Variants in PEAR1 observed in about 807,000 individuals in gnomAD.
PEAR1 encodes the protein multiple EGF-like domains protein 12.
A neutral mutation model predicts 131.2 loss-of-function variants in PEAR1; 113 were observed. The observed-to-expected ratio is 0.86, with a 90% CI of 0.74 to 1.01. PEAR1 has a LOEUF of 1.01. Ranked by LOEUF, PEAR1 falls within the 50% of genes least tolerant of loss-of-function variation. The pLI is 0.00. For synonymous variants in PEAR1, 565 were observed against 523.3 expected (o/e 1.08, Z -1.09); for missense variants, 1,408 against 1,391.1 (o/e 1.01, Z -0.19).
At chr1:156,912,719 C>T in intron 17 of PEAR1, 51 bp from the exon 18 acceptor site, 1 of 1,612,266 alleles carries the variant, frequency 6.2e-7, no homozygotes, top group Non-Finnish European at 8.5e-7. Flanking sequence ...GCACCTCTCC[C>T]ATGCAGCAGA....
intron 1 of PEAR1, among the ~76,000 whole-genome samples, chr1:156,894,508 C>T (rs542485056): frequency 2.0e-5 from 3 of 152,310 alleles, no homozygotes; most frequent in Admixed American, 6.5e-5. Flanking sequence ...TTGCAGGTCC[C>T]TGGCTCTCAC....
In PEAR1 at chr1:156,912,312, T is replaced by A; in HGVS notation, c.2017T>A (p.Cys673Ser). Residue 673 changes from cysteine to serine, a missense_variant, in exon 16 of 23, where the codon TGC becomes AGC. Coordinates refer to ENST00000292357, the MANE Select transcript of PEAR1 (RefSeq NM_001080471.3). ...CTGCCAATGTCACCATGGTGGGACC[T>A]GCCATCCCCAGGATGGGAGCTGTAT... ...QTCQCHHGGT[C>S]HPQDGSCICP... 1 of 1,614,036 alleles carries A rather than the reference T, an allele frequency of 6.2e-7. No individual in the cohort carries two copies. The highest frequency in any genetic ancestry group is 1.3e-5 in the African/African-American group (1 of 75,026).
rs1651512402 is a variant in PEAR1, at chr1:156,913,528, G to A, written c.2644+5G>A. 6.2e-7 allele frequency: 1 copy of A among 1,611,926 alleles called. No individual in the cohort carries two copies. The highest frequency in any genetic ancestry group is 8.5e-7 in the Non-Finnish European group (1 of 1,179,842). The stretch of plus-strand genomic sequence containing the variant: ...CTCCAGGGCCTCTGGACAGGGGTAG[G>A]TGCCGGGAGGCCAGGGTCTCTGGCG... On this transcript the variant is annotated splice_donor_5th_base_variant and intron_variant, in intron 20 of 22. Transcript: ENST00000292357.
chr1:156,908,624 G>T lies in PEAR1; in HGVS notation c.1116-31G>T. The stretch of plus-strand genomic sequence containing the variant: ...AGCTGCCCTGCCCCTGCCCAGCTCA[G>T]ACCGCGCCACGCCCCCGCCTCTGCC... On this transcript the variant is annotated intron_variant, in intron 9 of 22. Transcript: ENST00000292357. This position sits in a 1 kb window ranked among gnomAD's most constrained non-coding sequence, Gnocchi z 4.2. 3 of 1,496,338 alleles carry T rather than the reference G, an allele frequency of 2.0e-6. No individual in the cohort carries two copies. The highest frequency in any genetic ancestry group is 2.7e-6 in the Non-Finnish European group (3 of 1,125,462). 92.7% of individuals were successfully genotyped at this position (1,496,338 alleles called of 1,614,324 possible).
rs765400497 is a variant in PEAR1 at position 156,904,996 on chromosome 1, C to T, written c.206+144C>T. ...GGGATTCATTCTGCATGGTCTGTGT[C>T]GGGTACGTGTGTATGGGATGTATAT... On this transcript the variant is annotated intron_variant, in intron 3 of 22. Transcript: ENST00000292357. 9.1e-6 allele frequency: 14 copies of T among 1,545,232 alleles called. No individual in the cohort carries two copies. In the South Asian group the frequency reaches 9.5e-5, roughly 11 times the overall value.
Position 156,912,952 on chromosome 1 carries a change from C to T in PEAR1, c.2392C>T (p.Arg798Cys), listed in dbSNP as rs778124758. The T allele has an allele frequency of 4.8e-5, 78 of 1,614,154 alleles. 1 individual carries two copies. The Middle Eastern group carries it at 5.0e-4, about 10-fold the overall frequency. Reference protein sequence around the residue: ...HHLAVAYSSGRLDGSEYVMPD... With the variant: ...HHLAVAYSSGCLDGSEYVMPD... Reference sequence around the variant, plus strand: ...CCTGGCTGTGGCTTACAGCAGCGGGCGCCTGGACGGCTCCGAGTATGTCAT... The same window carrying T: ...CCTGGCTGTGGCTTACAGCAGCGGGTGCCTGGACGGCTCCGAGTATGTCAT... Residue 798 changes from arginine (R) to cysteine (C), a missense_variant, in exon 18 of 23, where the codon CGC becomes TGC. Arg to Cys is a radical substitution (Grantham distance 180). Transcript: ENST00000292357.
chr1:156,907,819 G>C (rs958875624), intron 7 of PEAR1, 89 bp downstream of exon 7: 15 of 1,569,836 alleles, frequency 9.6e-6, no homozygotes, highest in Non-Finnish European at 1.2e-5. Context: ...GTGAGTGAGG[G>C]GGGTGAGCTC....
rs539420762 is a variant in PEAR1 at position 156,911,027 on chromosome 1, CTT to C, written c.1951+285_1951+286del. On this transcript the variant is annotated intron_variant, in intron 15 of 22. Transcript: ENST00000292357. The stretch of plus-strand genomic sequence containing the variant: ...ATAGGCTTAGCTTGGGACATTTTCT[CTT>C]GATTTCTTTTTCTTTCTTTCTTTCT... Among the ~76,000 whole-genome samples the C allele has an allele frequency of 2.4e-3, 341 of 143,334 alleles. 3 individuals carry two copies. The highest frequency in any genetic ancestry group is 1.4e-3 in the Non-Finnish European group (91 of 66,236). The allele number at this position is 143,334 out of a possible 152,430, so 94.0% of individuals were successfully genotyped here. A position where few individuals can be genotyped will look rare whatever the true frequency, so the allele number is the denominator to read the frequency against.
chr1:156,913,365 C>T (rs999699876), intron 19 of PEAR1, 26 bp from the exon 20 acceptor site: 2 of 1,609,242 alleles, frequency 1.2e-6, no homozygotes, highest in Admixed American at 1.7e-5. Context: ...GCCTCTTGCT[C>T]TCCCTCCTGC....
At chr1:156,911,336 C>T (rs1651186551) in intron 15 of PEAR1, among the ~76,000 whole-genome samples, 1 of 140,752 alleles carries the variant, frequency 7.1e-6, no homozygotes, top group Non-Finnish European at 1.5e-5. Context: ...GGCTAGAGTG[C>T]AGTGGCATGA....
Position 156,908,875 on chromosome 1 carries a change from A to G in PEAR1, c.1291-41A>G, listed in dbSNP as rs1650700375. 1 of 1,608,984 alleles carries G rather than the reference A, an allele frequency of 6.2e-7. No homozygotes were observed. Among genetic ancestry groups the G allele is most frequent in the South Asian group, 1.1e-5 (1 of 91,054 alleles). Reference sequence around the variant, plus strand: ...AGGAAGCGAGGCAGGTGGAGAGGCCAAGGAATGGGCCGCCCCTCTCACCCG... The same window carrying G: ...AGGAAGCGAGGCAGGTGGAGAGGCCGAGGAATGGGCCGCCCCTCTCACCCG... On this transcript the variant is annotated intron_variant, in intron 10 of 22. Coordinates refer to ENST00000292357, the MANE Select transcript of PEAR1 (RefSeq NM_001080471.3). This position sits in a 1 kb window ranked among gnomAD's most constrained non-coding sequence, Gnocchi z 4.2.
rs377732307 is a variant in PEAR1 at position 156,909,062 on chromosome 1, G to A, written c.1411+26G>A. The A allele has an allele frequency of 7.3e-5, 117 of 1,613,094 alleles. No individual in the cohort carries two copies. In the African/African-American group the frequency reaches 1.2e-3, roughly 17 times the overall value. ...GTAATAGGGTGGAGTTTCCCAGAGA[G>A]AAGACTTGGGGGATGGCCAAGGGAA... On this transcript the variant is annotated intron_variant, in intron 11 of 22. Transcript: ENST00000292357.
In PEAR1 at chr1:156,913,998, C is replaced by T. The variant is rs1335829014; in HGVS notation, c.2860C>T (p.Pro954Ser). The T allele has an allele frequency of 6.2e-7, 1 of 1,612,988 alleles. No homozygotes were observed. The highest frequency in any genetic ancestry group is 1.1e-5 in the South Asian group (1 of 90,870). The change falls in exon 22 of 23, where the codon CCC becomes TCC. Residue 954 changes from proline to serine, a missense_variant. Pro to Ser is a moderately conservative substitution (Grantham distance 74, BLOSUM62 -1). Coordinates refer to ENST00000292357, the MANE Select transcript of PEAR1 (RefSeq NM_001080471.3). ...MEMKGPPSGSPPRQPPQFWDS... is the reference protein window; with the variant it reads ...MEMKGPPSGSSPRQPPQFWDS... ...GATGAAAGGCCCTCCCTCAGGATCT[C>T]CCCCCAGGCAGCCTCCTCAGTTCTG...
intron 11 of PEAR1, among the ~76,000 whole-genome samples, chr1:156,909,434 T>C (rs1476485014): frequency 1.3e-5 from 2 of 152,166 alleles, no homozygotes; most frequent in East Asian, 1.9e-4. Flanking sequence ...TCCCCACTAC[T>C]CCCTGTTGTC....
chr1:156,908,415 C>T lies in PEAR1; in HGVS notation c.1115+75C>T, dbSNP rs561408497. The stretch of plus-strand genomic sequence containing the variant: ...CTTCCTGGCCGAAGTCACCACAGAG[C>T]CAGGGCCATATCCAAGGGGGACAGG... On this transcript the variant is annotated intron_variant, in intron 9 of 22. Transcript: ENST00000292357. This position sits in a 1 kb window ranked among gnomAD's most constrained non-coding sequence, Gnocchi z 4.2. 6 of 1,421,214 alleles carry T rather than the reference C, an allele frequency of 4.2e-6. No homozygotes were observed. In the South Asian group the frequency reaches 7.2e-5, roughly 17 times the overall value. The allele number at this position is 1,421,214 out of a possible 1,614,324, so 88.0% of individuals were successfully genotyped here. A position where few individuals can be genotyped will look rare whatever the true frequency, so the allele number is the denominator to read the frequency against.
chr1:156,894,060 C>G (rs1037166073), intron 1 of PEAR1, among the ~76,000 whole-genome samples: 2 of 152,210 alleles, frequency 1.3e-5, no homozygotes, highest in Non-Finnish European at 2.9e-5. Flanking sequence ...GGGTTCCCTT[C>G]CGTAATGAAC....
Position 156,905,335 on chromosome 1 carries a change from G to C in PEAR1, c.218G>C (p.Arg73Pro), listed in dbSNP as rs760431273. 6.2e-7 allele frequency: 1 copy of C among 1,611,952 alleles called. No individual in the cohort carries two copies. The highest frequency in any genetic ancestry group is 8.5e-7 in the Non-Finnish European group (1 of 1,179,630). The change falls in exon 4 of 23, where the codon CGG becomes CCG. Residue 73 changes from arginine to proline, a missense_variant. Transcript: ENST00000292357. ...HTCPQPTVVYRTVYRQVVKTD... is the reference protein window; with the variant it reads ...HTCPQPTVVYPTVYRQVVKTD... ...CCTGGCCTCCGCAGGGTTGTATACC[G>C]GACCGTGTACCGTCAGGTGGTGAAG...
rs1650704546 is a variant in PEAR1 at position 156,908,889 on chromosome 1, C to T, written c.1291-27C>T. 3 of 1,610,726 alleles carry T rather than the reference C, an allele frequency of 1.9e-6. No homozygotes were observed. The highest frequency in any genetic ancestry group is 2.5e-6 in the Non-Finnish European group (3 of 1,179,610). On this transcript the variant is annotated intron_variant, in intron 10 of 22. Transcript: ENST00000292357. The surrounding 1 kb of genome is among the most constrained non-coding windows in gnomAD (Gnocchi z 4.2). ...GTGGAGAGGCCAAGGAATGGGCCGC[C>T]CCTCTCACCCGCTCACCCTCTTTCA...
Position 156,904,021 on chromosome 1 carries a change from G to A in PEAR1, c.95G>A (p.Trp32Ter), listed in dbSNP as rs138832983. The A allele has an allele frequency of 3.7e-6, 6 of 1,613,706 alleles. No individual in the cohort carries two copies. The African/African-American group carries it at 5.3e-5, about 14-fold the overall frequency. Residue 32 changes from tryptophan (W) to a stop codon, truncating the protein, a stop_gained, in exon 2 of 23, where the codon TGG becomes TAG. Coordinates refer to ENST00000292357, the MANE Select transcript of PEAR1 (RefSeq NM_001080471.3). LOFTEE classifies it high-confidence loss of function. ...AGTGATCCCAATACCTGCAGCTTCT[G>A]GGAAAGGTGAGAGGGCCCCTGCTGC... Reference protein sequence around the residue: ...NPSDPNTCSFWESFTTTTKES... With the variant: ...NPSDPNTCSF
Sources: gnomAD v4.1 joint callset for allele counts (sites outside exome capture counted in the v4.1 genomes callset) on GRCh38, gnomAD v4.1.1 for gene constraint, Gnocchi (gnomAD v3.1) non-coding constraint, MANE v1.5 for transcripts, NCBI Gene and HGNC (gene_info 2026-07-23, HGNC 2026-07-21) for gene names.